LRRC4C: variants seen among roughly 807,000 people sequenced by gnomAD.
LRRC4C encodes leucine rich repeat containing 4C.
A neutral mutation model predicts 33.6 loss-of-function variants in LRRC4C; 5 were observed. That is an observed-to-expected ratio of 0.15 (90% CI 0.08 to 0.31). The LOEUF (loss-of-function observed/expected upper bound fraction) is 0.31, where lower values mean the gene tolerates loss of function less well. LRRC4C is among the 10% of genes least tolerant of loss of function. The pLI, the probability that LRRC4C is intolerant of heterozygous loss-of-function variation, is 1.00. For missense variants in LRRC4C, 560 were observed against 796.7 expected, an observed-to-expected ratio of 0.70 and a Z score of 3.58; for synonymous variants, 329 against 302.0, an observed-to-expected ratio of 1.09 and a Z score of -0.93.
At chr11:40,956,694 A>C (rs1198032547) in intron 1 of LRRC4C, among the ~76,000 whole-genome samples, 1 of 151,780 alleles carries the variant, frequency 6.6e-6, no homozygotes, top group African/African-American at 2.4e-5. Flanking sequence ...ATCTTGATTT[A>C]TCTCTTCTCT....
At chr11:40,313,436 C>T (rs1283428355) in intron 4 of LRRC4C, among the ~76,000 whole-genome samples, 1 of 151,742 alleles carries the variant, frequency 6.6e-6, no homozygotes, top group Non-Finnish European at 1.5e-5. Context: ...GGAGGAAGGG[C>T]CATCTGTTCA....
At chr11:41,153,852 G>A (rs1161452737) in intron 1 of LRRC4C, among the ~76,000 whole-genome samples, 2 of 152,096 alleles carry the variant, frequency 1.3e-5, no homozygotes, top group East Asian at 3.9e-4. Context: ...GAAATGAGAT[G>A]AGCCATGTGG....
chr11:41,121,732 C>T (rs1253677082), intron 1 of LRRC4C, among the ~76,000 whole-genome samples: 1 of 152,022 alleles, frequency 6.6e-6, no homozygotes, highest in African/African-American at 2.4e-5. Context: ...GGAGGACTGT[C>T]CACATGCTAG....
chr11:41,080,229 G>C (rs75798302), intron 1 of LRRC4C, among the ~76,000 whole-genome samples: 3,044 of 151,884 alleles, frequency 0.02, 40 homozygotes, highest in Non-Finnish European at 0.028. Flanking sequence ...CTTTTTCCTA[G>C]GTAGAAAAAT....
chr11:40,817,037 T>G (rs1951733880), intron 2 of LRRC4C, among the ~76,000 whole-genome samples: 1 of 152,144 alleles, frequency 6.6e-6, no homozygotes, highest in Admixed American at 6.6e-5. Flanking sequence ...GTTAGCTTAA[T>G]CTGAAACTAG....
intron 3 of LRRC4C, among the ~76,000 whole-genome samples, chr11:40,564,455 C>G: frequency 6.6e-6 from 1 of 152,216 alleles, no homozygotes; most frequent in African/African-American, 2.4e-5. Flanking sequence ...AAGGAGCACC[C>G]AAATTACCAA....
intron 3 of LRRC4C, among the ~76,000 whole-genome samples, chr11:40,567,548 G>A (rs1343004899): frequency 1.3e-5 from 2 of 152,162 alleles, no homozygotes. Context: ...TGGGATTCAG[G>A]TATTTCAGAT....
intron 2 of LRRC4C, among the ~76,000 whole-genome samples, chr11:40,903,468 T>G (rs547406405): frequency 6.6e-6 from 1 of 152,208 alleles, no homozygotes; most frequent in Admixed American, 6.5e-5. Flanking sequence ...CAAGTCTTGT[T>G]AATTAAGAAA....
At chr11:40,842,819 A>C (rs1952971462) in intron 2 of LRRC4C, among the ~76,000 whole-genome samples, 1 of 152,098 alleles carries the variant, frequency 6.6e-6, no homozygotes, top group Admixed American at 6.6e-5. Context: ...ATTGTCAGAA[A>C]TCCACCATCT....
chr11:41,068,548 C>A (rs1470673115), intron 1 of LRRC4C, among the ~76,000 whole-genome samples: 1 of 151,908 alleles, frequency 6.6e-6, no homozygotes, highest in Non-Finnish European at 1.5e-5. Flanking sequence ...CACCACTGAC[C>A]CCACAGAAAT....
chr11:40,412,174 T>C (rs1262629612), intron 3 of LRRC4C, among the ~76,000 whole-genome samples: 1 of 152,084 alleles, frequency 6.6e-6, no homozygotes, highest in African/African-American at 2.4e-5. Context: ...TACATATTTT[T>C]AAAAATAAGT....
chr11:40,761,525 G>T (rs1949210598), intron 2 of LRRC4C, among the ~76,000 whole-genome samples: 1 of 152,072 alleles, frequency 6.6e-6, no homozygotes, highest in Non-Finnish European at 1.5e-5. Flanking sequence ...GTTACACATG[G>T]ATTGCTAAAA....
intron 1 of LRRC4C, among the ~76,000 whole-genome samples, chr11:41,003,407 G>A (rs1021481449): frequency 6.6e-6 from 1 of 152,052 alleles, no homozygotes; most frequent in South Asian, 2.1e-4. Flanking sequence ...TTCATATAAA[G>A]AAAGGGAAAT....
At chr11:41,374,404 T>C (rs1194291870) in intron 1 of LRRC4C, among the ~76,000 whole-genome samples, 1 of 152,168 alleles carries the variant, frequency 6.6e-6, no homozygotes, top group African/African-American at 2.4e-5. Context: ...AGTGTTTAAA[T>C]TGAATTTACT....
chr11:41,338,563 G>T (rs1265384636), intron 1 of LRRC4C, among the ~76,000 whole-genome samples: 1 of 152,058 alleles, frequency 6.6e-6, no homozygotes, highest in Non-Finnish European at 1.5e-5. Context: ...AGGAGGGAGA[G>T]CATCAGGACA....
chr11:40,335,044 C>T, intron 3 of LRRC4C, among the ~76,000 whole-genome samples: 1 of 152,212 alleles, frequency 6.6e-6, no homozygotes, highest in East Asian at 1.9e-4. Flanking sequence ...AGATTTTTCT[C>T]ATAAATAATA....
chr11:40,730,394 G>A (rs1294479348), intron 2 of LRRC4C, among the ~76,000 whole-genome samples: 2 of 152,060 alleles, frequency 1.3e-5, no homozygotes, highest in East Asian at 3.9e-4. Flanking sequence ...GCATGCAAAT[G>A]GATCTTAATA....
chr11:41,203,017 C>A (rs1048454790), intron 1 of LRRC4C, among the ~76,000 whole-genome samples: 1 of 152,184 alleles, frequency 6.6e-6, no homozygotes, highest in Non-Finnish European at 1.5e-5. Flanking sequence ...AACTCCTGAC[C>A]TCAGGTGATC....
chr11:40,835,390 C>A (rs1435787785), intron 2 of LRRC4C, among the ~76,000 whole-genome samples: 1 of 152,186 alleles, frequency 6.6e-6, no homozygotes, highest in Non-Finnish European at 1.5e-5. Context: ...TCTGTACTTA[C>A]ATATTTAGAG....
Sources: allele counts gnomAD v4.1 joint callset (sites outside exome capture counted in the v4.1 genomes callset), GRCh38; gene constraint gnomAD v4.1.1; transcripts MANE v1.5; gene names NCBI Gene and HGNC (gene_info 2026-07-23, HGNC 2026-07-21).